Variants in AGPAT5 observed in about 807,000 individuals in gnomAD.
The protein encoded by AGPAT5 is 1-acyl-sn-glycerol-3-phosphate acyltransferase epsilon.
AGPAT5 carries 46 observed loss-of-function variants against 45.6 expected under a neutral mutation model. The ratio of observed to expected loss-of-function variants is 1.01; its 90% CI spans 0.80 to 1.29. The LOEUF is 1.29. Among genes scored for constraint, AGPAT5 ranks in the 50% most tolerant of loss-of-function variants. The pLI is 0.00. For missense variants in AGPAT5, 673 were observed against 450.7 expected (o/e 1.49, Z -4.47); for synonymous variants, 272 against 167.0 (o/e 1.63, Z -4.85).
intron 6 of AGPAT5, among the ~76,000 whole-genome samples, chr8:6,752,606 G>T (rs980539142): frequency 7.2e-5 from 11 of 152,242 alleles, no homozygotes; most frequent in Middle Eastern, 6.8e-3. Context: ...CCTGTGACCT[G>T]TACGAATAGT....
chr8:6,720,393 C>T (rs993234521), intron 1 of AGPAT5, among the ~76,000 whole-genome samples: 2 of 152,108 alleles, frequency 1.3e-5, no homozygotes, highest in Non-Finnish European at 2.9e-5. Context: ...AGTGTAATTC[C>T]AGCATCATAA....
At chr8:6,755,299 A>G (rs890312394) in intron 7 of AGPAT5, 125 bp downstream of exon 7, 5 of 1,057,996 alleles carry the variant, frequency 4.7e-6, no homozygotes, top group Non-Finnish European at 6.7e-6. Flanking sequence ...ATTCAAATCA[A>G]ATTTTATGCA....
At chr8:6,731,151 A>G (rs1359749620) in intron 3 of AGPAT5, among the ~76,000 whole-genome samples, 1 of 152,194 alleles carries the variant, frequency 6.6e-6, no homozygotes, top group Non-Finnish European at 1.5e-5. Context: ...GTGAACTGCC[A>G]TACCCAACCC....
At chr8:6,719,188 ATTC>A (rs563863112) in intron 1 of AGPAT5, among the ~76,000 whole-genome samples, 30 of 152,242 alleles carry the variant, frequency 2.0e-4, no homozygotes, top group Admixed American at 2.6e-4. Context: ...AACATCACAT[ATTC>A]TTCTGTTTGG....
intron 4 of AGPAT5, among the ~76,000 whole-genome samples, chr8:6,734,847 G>A (rs1261862938): frequency 6.6e-6 from 1 of 151,958 alleles, no homozygotes; most frequent in Non-Finnish European, 1.5e-5. Flanking sequence ...ACAGCTTCAG[G>A]TTTCTGTAGA....
At position 6,755,371 on chromosome 8, in the gene AGPAT5, G is replaced by A. The variant is rs73186328; in HGVS notation, c.869+197G>A. ...AGTCTAAAAGAACTTGTTACAGTGG[G>A]CCCATCTACTTGCATTGATAGTATT... On this transcript the variant is annotated intron_variant, in intron 7 of 7. Transcript: ENST00000285518. 8.4e-3 allele frequency among the ~76,000 whole-genome samples: 1,284 copies of A among 152,314 alleles called. 5 individuals are homozygous for A. The highest frequency in any genetic ancestry group is 0.015 in the Non-Finnish European group (987 of 68,028).
At chr8:6,729,818 C>G (rs1483447375) in intron 2 of AGPAT5, among the ~76,000 whole-genome samples, 2 of 152,012 alleles carry the variant, frequency 1.3e-5, no homozygotes, top group Admixed American at 6.5e-5. Flanking sequence ...TTTTTGCAAC[C>G]CTTTGTTAAT....
chr8:6,722,072 C>T (rs921386692), intron 1 of AGPAT5, among the ~76,000 whole-genome samples: 3 of 152,102 alleles, frequency 2.0e-5, no homozygotes, highest in Admixed American at 6.6e-5. Context: ...AAGAGGATTT[C>T]AGCTCCCAGG....
intron 6 of AGPAT5, among the ~76,000 whole-genome samples, chr8:6,753,679 G>A (rs1468254678): frequency 1.3e-5 from 2 of 152,144 alleles, no homozygotes; most frequent in African/African-American, 4.8e-5. Context: ...CTCTTCCCTA[G>A]GGCACAGTTG....
At chr8:6,754,509 A>G (rs952247108) in intron 6 of AGPAT5, among the ~76,000 whole-genome samples, 15 of 152,158 alleles carry the variant, frequency 9.9e-5, no homozygotes, top group African/African-American at 3.6e-4. Flanking sequence ...GGCGACAAGC[A>G]AAGTTGAGGA....
intron 2 of AGPAT5, among the ~76,000 whole-genome samples, chr8:6,726,533 A>G (rs1800692355): frequency 6.6e-6 from 1 of 152,146 alleles, no homozygotes; most frequent in Admixed American, 6.5e-5. Flanking sequence ...GCTGATAGTG[A>G]TAATATTGAT....
chr8:6,759,580 G>T lies in AGPAT5; in HGVS notation c.*2192G>T, dbSNP rs541310533. ...ATTAATTTTTCTTTATAAGAATGCC[G>T]TCGATGTGCATGCTTTTATGTTTTT... On this transcript the variant is annotated 3_prime_UTR_variant, in exon 8 of 8. Transcript: ENST00000285518. The T allele has an allele frequency of 1.3e-5, 2 of 151,824 alleles. No individual in the cohort carries two copies. Among genetic ancestry groups the T allele is most frequent in the African/African-American group, 4.8e-5 (2 of 41,346 alleles). 9.4% of individuals were successfully genotyped at this position (151,824 alleles called of 1,614,324 possible). A position where few individuals can be genotyped will look rare whatever the true frequency, so the allele number is the denominator to read the frequency against.
intron 4 of AGPAT5, among the ~76,000 whole-genome samples, chr8:6,740,286 C>G (rs200233470): frequency 6.6e-6 from 1 of 151,852 alleles, no homozygotes; most frequent in Non-Finnish European, 1.5e-5. Flanking sequence ...CTTACTGTTA[C>G]AAAACACATT....
At chr8:6,755,918 C>G (rs1408142729) in intron 7 of AGPAT5, among the ~76,000 whole-genome samples, 1 of 152,126 alleles carries the variant, frequency 6.6e-6, no homozygotes, top group African/African-American at 2.4e-5. Context: ...TTCAGGACCA[C>G]TTTGGCCCAT....
intron 2 of AGPAT5, among the ~76,000 whole-genome samples, chr8:6,726,419 G>A (rs560479457): frequency 6.6e-5 from 10 of 152,142 alleles, no homozygotes; most frequent in Non-Finnish European, 1.5e-4. Context: ...CAGTTTACCT[G>A]CCAGCTTTTC....
chr8:6,736,099 G>T lies in AGPAT5; in HGVS notation c.495+3449G>T, dbSNP rs906177322. Among the ~76,000 whole-genome samples, 5 of 152,002 alleles carry T rather than the reference G, an allele frequency of 3.3e-5. No homozygotes were observed. In the East Asian group the frequency reaches 9.6e-4, roughly 29 times the overall value. ...GAACTCCTGACCTCTTGATCCGCCC[G>T]CCTCGGCCCCCCACAGTGCTGGGAT... is the stretch of plus-strand genomic sequence containing the variant. On this transcript the variant is annotated intron_variant, in intron 4 of 7. Coordinates refer to ENST00000285518, the MANE Select transcript of AGPAT5 (RefSeq NM_018361.5).
At chr8:6,712,739 C>T (rs1462119698) in intron 1 of AGPAT5, among the ~76,000 whole-genome samples, 1 of 152,116 alleles carries the variant, frequency 6.6e-6, no homozygotes, top group Non-Finnish European at 1.5e-5. Context: ...GAATTCTATC[C>T]TAGGAATCTA....
chr8:6,717,865 C>T (rs1403916668), intron 1 of AGPAT5, among the ~76,000 whole-genome samples: 1 of 152,176 alleles, frequency 6.6e-6, no homozygotes, highest in Non-Finnish European at 1.5e-5. Context: ...TATGAGAAGT[C>T]TTCTCACTTG....
chr8:6,726,819 A>G (rs1800703798), intron 2 of AGPAT5, among the ~76,000 whole-genome samples: 1 of 152,122 alleles, frequency 6.6e-6, no homozygotes, highest in Admixed American at 6.5e-5. Flanking sequence ...CCACATCCTC[A>G]TCCCAGCAGG....
Sources: allele counts gnomAD v4.1 joint callset (sites outside exome capture counted in the v4.1 genomes callset), GRCh38; gene constraint gnomAD v4.1.1; transcripts MANE v1.5; gene names NCBI Gene and HGNC (gene_info 2026-07-23, HGNC 2026-07-21).